Variants in RMND5A observed in about 807,000 individuals in gnomAD.
RMND5A encodes required for meiotic nuclear division 5 homolog A.
RMND5A carries 17 observed loss-of-function variants against 49.7 expected under a neutral mutation model. The ratio of observed to expected loss-of-function variants is 0.34; its 90% confidence interval spans 0.23 to 0.51. The LOEUF is 0.51. Among genes scored for constraint, RMND5A ranks in the 20% least tolerant of loss-of-function variants. RMND5A has a pLI of 0.96. For missense variants in RMND5A, 255 were observed against 471.3 expected, an observed-to-expected ratio of 0.54 and a Z score of 4.25; for synonymous variants, 156 against 167.7, an observed-to-expected ratio of 0.93 and a Z score of 0.54.
In RMND5A at chr2:86,720,723, C is replaced by G; in HGVS notation, c.56C>G (p.Ser19Ter). ...RELEKVLHKFSGYGQLCERGL... is the reference protein window; with the variant it reads ...RELEKVLHKF ...CTGGAGAAGGTGCTGCACAAGTTCT[C>G]AGGCTACGGGCAGCTGTGCGAGCGC... is the stretch of plus-strand genomic sequence containing the variant. Residue 19 changes from serine to a stop codon, truncating the protein, a stop_gained, in exon 1 of 9, where the codon TCA becomes TGA. Transcript: ENST00000283632. LOFTEE classifies it high-confidence loss of function. 1 of 1,587,178 alleles carries G rather than the reference C, an allele frequency of 6.3e-7. No individual in the cohort carries two copies. The highest frequency in any genetic ancestry group is 8.6e-7 in the Non-Finnish European group (1 of 1,167,952).
intron 2 of RMND5A, among the ~76,000 whole-genome samples, chr2:86,743,531 C>G (rs181312881): frequency 3.3e-5 from 5 of 151,910 alleles, no homozygotes; most frequent in Non-Finnish European, 7.4e-5. Flanking sequence ...GTGGCACCAT[C>G]TCAGCTCACT....
intron 4 of RMND5A, among the ~76,000 whole-genome samples, chr2:86,758,156 A>G (rs1023339370): frequency 3.6e-5 from 3 of 84,362 alleles, no homozygotes; most frequent in Non-Finnish European, 5.2e-5. Flanking sequence ...TACAAAATCA[A>G]AAGGCACAAC....
At chr2:86,746,315 A>C (rs1681537138) in intron 2 of RMND5A, among the ~76,000 whole-genome samples, 1 of 152,208 alleles carries the variant, frequency 6.6e-6, no homozygotes, top group Non-Finnish European at 1.5e-5. Context: ...ATTTTCTAAT[A>C]AGGATTCTTT....
chr2:86,773,283 G>C, intron 8 of RMND5A, 65 bp from the exon 9 acceptor site: 2 of 840,346 alleles, frequency 2.4e-6, no homozygotes, highest in Non-Finnish European at 4.0e-6. Flanking sequence ...TCTATAACTA[G>C]ATAAAAATTG....
Position 86,765,017 on chromosome 2 carries a change from T to A in RMND5A, c.522-10T>A. ...TTTGATTCTTAAAGTCTTTTTTGCC[T>A]TTTCTTTAGGTGGGCAGTGTCAAAC... On this transcript the variant is annotated splice_polypyrimidine_tract_variant and intron_variant, in intron 4 of 8. Transcript: ENST00000283632. The A allele has an allele frequency of 1.9e-6, 3 of 1,586,374 alleles. No homozygotes were observed. The South Asian group carries it at 3.5e-5, about 18-fold the overall frequency.
rs1166144983 is a variant in RMND5A at position 86,777,034 on chromosome 2, A to C, written c.*3623A>C. On this transcript the variant is annotated 3_prime_UTR_variant, in exon 9 of 9. Coordinates refer to ENST00000283632, the MANE Select transcript of RMND5A (RefSeq NM_022780.4). ...GAACTATAATTGAATAGATACCAAA[A>C]ATAGAATGACAAATGTATTTTAATA... 2.0e-5 allele frequency: 3 copies of C among 152,226 alleles called. No individual in the cohort carries two copies. Among genetic ancestry groups the C allele is most frequent in the African/African-American group, 7.2e-5 (3 of 41,438 alleles). 9.4% of individuals were successfully genotyped at this position (152,226 alleles called of 1,614,324 possible).
At chr2:86,764,862 T>G (rs1672564076) in intron 4 of RMND5A, among the ~76,000 whole-genome samples, 165 bp from the exon 5 acceptor site, 1 of 152,218 alleles carries the variant, frequency 6.6e-6, no homozygotes, top group Non-Finnish European at 1.5e-5. Flanking sequence ...TAGTTATTGG[T>G]GGTTACTTTC....
At position 86,765,849 on chromosome 2, in the gene RMND5A, C is replaced by CT. The variant is rs769799634; in HGVS notation, c.689-3dup. 6 of 1,612,106 alleles carry CT rather than the reference C, an allele frequency of 3.7e-6. No homozygotes were observed. The highest frequency in any genetic ancestry group is 1.1e-5 in the South Asian group (1 of 90,786). ...GCAAACTAATGCTTTCTTGCTGGTG[C>CT]TTTTTTTAGACATTCAGGTTTTGAT... On this transcript the variant is annotated splice_polypyrimidine_tract_variant and intron_variant, in intron 5 of 8. Transcript: ENST00000283632.
At chr2:86,766,912 TTAA>T (rs1433585087) in intron 6 of RMND5A, among the ~76,000 whole-genome samples, 1 of 152,224 alleles carries the variant, frequency 6.6e-6, no homozygotes, top group Non-Finnish European at 1.5e-5. Flanking sequence ...ACACATCATC[TTAA>T]TAATTTGTAT....
chr2:86,720,866 G>A (rs1386050087), intron 1 of RMND5A, 57 bp downstream of exon 1: 11 of 1,469,600 alleles, frequency 7.5e-6, no homozygotes, highest in African/African-American at 4.4e-5. Context: ...CCCCGGTCCC[G>A]GCCCCGCGGC....
intron 3 of RMND5A, 119 bp from the exon 4 acceptor site, chr2:86,753,339 C>G: frequency 1.6e-6 from 1 of 636,624 alleles, no homozygotes; most frequent in Non-Finnish European, 2.7e-6. Flanking sequence ...TCAGTCTCTA[C>G]TATAGGGAAT....
intron 2 of RMND5A, among the ~76,000 whole-genome samples, chr2:86,741,449 T>C (rs1379098213): frequency 2.6e-5 from 4 of 151,478 alleles, no homozygotes; most frequent in African/African-American, 9.7e-5. Context: ...GTCTCTGTTA[T>C]GGGATGATTA....
At chr2:86,772,847 G>T (rs891887059) in intron 8 of RMND5A, among the ~76,000 whole-genome samples, 1 of 152,024 alleles carries the variant, frequency 6.6e-6, no homozygotes, top group African/African-American at 2.4e-5. Context: ...ACCCACCTCA[G>T]CCTCCCAGGT....
At chr2:86,750,011 A>G (rs1364909359) in intron 2 of RMND5A, among the ~76,000 whole-genome samples, 2 of 152,184 alleles carry the variant, frequency 1.3e-5, no homozygotes. Context: ...AAATAATCCC[A>G]TATTGGTTGG....
intron 4 of RMND5A, among the ~76,000 whole-genome samples, chr2:86,755,600 C>T (rs1293259728): frequency 6.6e-6 from 1 of 152,196 alleles, no homozygotes; most frequent in East Asian, 1.9e-4. Context: ...TATCTGTAGT[C>T]ACTGGCACAT....
intron 7 of RMND5A, among the ~76,000 whole-genome samples, chr2:86,770,961 G>A (rs1050724052): frequency 3.3e-5 from 5 of 152,092 alleles, no homozygotes; most frequent in East Asian, 1.9e-4. Context: ...TTTTTTGCCC[G>A]TTTTATACCA....
At chr2:86,771,354 A>C in intron 7 of RMND5A, 1 of 469,824 alleles carries the variant, frequency 2.1e-6, no homozygotes, top group Non-Finnish European at 3.7e-6. Context: ...ACACTTTGTC[A>C]GCTTTCTTGA....
At chr2:86,743,482 GAGA>G (rs1251040398) in intron 2 of RMND5A, among the ~76,000 whole-genome samples, 1 of 95,800 alleles carries the variant, frequency 1.0e-5, no homozygotes, top group African/African-American at 4.4e-5. Context: ...TTTTTGTTTT[GAGA>G]AGGACTCTCA....
chr2:86,747,832 A>G (rs1044124661), intron 2 of RMND5A, among the ~76,000 whole-genome samples: 1 of 152,110 alleles, frequency 6.6e-6, no homozygotes, highest in Non-Finnish European at 1.5e-5. Flanking sequence ...TAGATCGCAC[A>G]CTTTCATAAT....
Sources: allele counts gnomAD v4.1 joint callset (sites outside exome capture counted in the v4.1 genomes callset), GRCh38; gene constraint gnomAD v4.1.1; transcripts MANE v1.5; gene names NCBI Gene and HGNC (gene_info 2026-07-23, HGNC 2026-07-21).